Variants in PDE10A observed in about 807,000 individuals in gnomAD.
The protein encoded by PDE10A is phosphodiesterase 10A.
A neutral mutation model predicts 97.7 loss-of-function variants in PDE10A; 39 were observed. The ratio of observed to expected loss-of-function variants is 0.40; its 90% CI spans 0.31 to 0.52. The LOEUF (loss-of-function observed/expected upper bound fraction) is 0.52. Among genes scored for constraint, PDE10A ranks in the 20% least tolerant of loss-of-function variants. PDE10A has a pLI of 0.56. For missense variants in PDE10A, 731 were observed against 1,047.8 expected, an observed-to-expected ratio of 0.70 and a Z score of 4.17; for synonymous variants, 371 against 376.8, an observed-to-expected ratio of 0.98 and a Z score of 0.18.
chr6:165,464,950 G>T (rs1003298015), intron 3 of PDE10A, among the ~76,000 whole-genome samples: 1 of 152,150 alleles, frequency 6.6e-6, no homozygotes, highest in Non-Finnish European at 1.5e-5. Flanking sequence ...GAGCTATTAT[G>T]AATAAAGCCT....
At position 165,390,097 on chromosome 6, in the gene PDE10A, AG is replaced by A. The variant is rs778863001; in HGVS notation, c.2455-1645del. On this transcript the variant is annotated intron_variant, in intron 16 of 21. Transcript: ENST00000539869. ...TTTGAAAGACAAATTATACCTGAAA[AG>A]GGGGAACAGACTGCATGGTCTAAGT... Among the ~76,000 whole-genome samples the A allele has an allele frequency of 5.9e-5, 9 of 152,312 alleles. No individual in the cohort carries two copies. In the South Asian group the frequency reaches 1.4e-3, roughly 25 times the overall value.
At chr6:165,669,304 T>A (rs1790582642) in intron 1 of PDE10A, among the ~76,000 whole-genome samples, 1 of 152,224 alleles carries the variant, frequency 6.6e-6, no homozygotes, top group Admixed American at 6.5e-5. Context: ...AAGGGGCAGT[T>A]CAGACGAGCA....
intron 2 of PDE10A, among the ~76,000 whole-genome samples, chr6:165,534,171 C>T (rs1424541204): frequency 1.3e-5 from 2 of 150,844 alleles, no homozygotes; most frequent in African/African-American, 4.9e-5. Flanking sequence ...AAAGATACAC[C>T]AATAAGTTGG....
At chr6:165,969,507 G>C (rs1220598611) in intron 1 of PDE10A, among the ~76,000 whole-genome samples, 1 of 152,118 alleles carries the variant, frequency 6.6e-6, no homozygotes, top group Non-Finnish European at 1.5e-5. Context: ...AGTTGTACTG[G>C]GTGAAATGAA....
intron 1 of PDE10A, among the ~76,000 whole-genome samples, chr6:165,709,193 C>T (rs1053526660): frequency 2.1e-5 from 3 of 142,878 alleles, no homozygotes; most frequent in African/African-American, 7.9e-5. Flanking sequence ...CACTCTCCTG[C>T]CCCATGCTGC....
intron 1 of PDE10A, among the ~76,000 whole-genome samples, chr6:165,584,894 G>T (rs2128358980): frequency 6.6e-6 from 1 of 152,304 alleles, no homozygotes; most frequent in Non-Finnish European, 1.5e-5. Context: ...TATGGAATGA[G>T]TAATGGAAGA....
At chr6:165,827,372 C>T (rs1011403373) in intron 1 of PDE10A, among the ~76,000 whole-genome samples, 4 of 152,226 alleles carry the variant, frequency 2.6e-5, no homozygotes, top group Non-Finnish European at 5.9e-5. Flanking sequence ...CCGGTGACAG[C>T]GCCAAGCTCC....
chr6:165,630,961 G>A (rs1788601768), intron 1 of PDE10A, among the ~76,000 whole-genome samples: 1 of 152,196 alleles, frequency 6.6e-6, no homozygotes, highest in Admixed American at 6.5e-5. Flanking sequence ...TGGCTTTCCT[G>A]CAAATCAGCC....
At chr6:165,972,400 C>A (rs11969008) in intron 1 of PDE10A, among the ~76,000 whole-genome samples, 10,728 of 152,120 alleles carry the variant, frequency 0.071, 471 homozygotes, top group South Asian at 0.12. Context: ...TCCTCTCACC[C>A]TACCCTGCCA....
chr6:165,567,995 T>C lies in PDE10A; in HGVS notation c.866-24427A>G, dbSNP rs1243988908. On this transcript the variant is annotated intron_variant, in intron 1 of 21. Coordinates refer to ENST00000539869, the MANE Select transcript of PDE10A (RefSeq NM_001385079.1). The stretch of plus-strand genomic sequence containing the variant: ...CACACAATAGGTACGCAACAAGGCA[T>C]TTTTTTTTTTTTTTTTTTTTTGAGA... Among the ~76,000 whole-genome samples, 41 of 105,860 alleles carry C rather than the reference T, an allele frequency of 3.9e-4. 1 individual carries two copies. Among genetic ancestry groups the C allele is most frequent in the South Asian group, 5.9e-4 (2 of 3,396 alleles). The allele number at this position is 105,860 out of a possible 152,430, so 69.4% of individuals were successfully genotyped here.
intron 1 of PDE10A, among the ~76,000 whole-genome samples, chr6:165,810,978 CACTTT>C (rs1324568428): frequency 6.6e-6 from 1 of 152,176 alleles, no homozygotes; most frequent in Non-Finnish European, 1.5e-5. Flanking sequence ...GTAATCCCAG[CACTTT>C]GGGAGGCCCA....
At position 165,655,865 on chromosome 6, in the gene PDE10A, C is replaced by G. The variant is rs994213293; in HGVS notation, c.865+6082G>C. On this transcript the variant is annotated intron_variant, in intron 1 of 21. Coordinates refer to ENST00000539869, the MANE Select transcript of PDE10A (RefSeq NM_001385079.1). This position sits in a 1 kb window ranked among gnomAD's most constrained non-coding sequence, Gnocchi z 4.5. ...GGGCTCAGCTCCAGCACGGCCGTCA[C>G]CCCGCTCCTCTGCCTTGTGAGCCCC... is the stretch of plus-strand genomic sequence containing the variant. Among the ~76,000 whole-genome samples the G allele has an allele frequency of 2.0e-5, 3 of 152,122 alleles. No individual in the cohort carries two copies. The highest frequency in any genetic ancestry group is 2.0e-4 in the Admixed American group (3 of 15,282).
intron 1 of PDE10A, among the ~76,000 whole-genome samples, chr6:165,575,217 C>T (rs963650833): frequency 6.6e-6 from 1 of 152,124 alleles, no homozygotes; most frequent in African/African-American, 2.4e-5. Context: ...CCCAATCATT[C>T]GAGTTTTGTG....
Position 165,418,495 on chromosome 6 carries a change from C to A in PDE10A, c.1796+140G>T. ...ATGTCATTCCCAGAAGTACTACCTT[C>A]AGGAGGCGGGTCCTGGTGGGAATGA... is the stretch of plus-strand genomic sequence containing the variant. On this transcript the variant is annotated intron_variant, in intron 11 of 21. Transcript: ENST00000539869. The surrounding 1 kb of genome is among the most constrained non-coding windows in gnomAD (Gnocchi z 4.8). The A allele has an allele frequency of 1.4e-6, 1 of 733,770 alleles. No individual in the cohort carries two copies. The highest frequency in any genetic ancestry group is 2.2e-6 in the Non-Finnish European group (1 of 456,952). The allele number at this position is 733,770 out of a possible 1,614,324, so 45.5% of individuals were successfully genotyped here.
chr6:165,463,656 G>C (rs989248706), intron 3 of PDE10A, among the ~76,000 whole-genome samples: 4 of 150,386 alleles, frequency 2.7e-5, no homozygotes, highest in African/African-American at 1.0e-4. Context: ...ATCAAAGAAG[G>C]GGGACATGTT....
intron 1 of PDE10A, among the ~76,000 whole-genome samples, chr6:165,816,110 T>C (rs1312833292): frequency 6.6e-6 from 1 of 152,022 alleles, no homozygotes; most frequent in East Asian, 1.9e-4. Context: ...CCACCACTCC[T>C]GGCTAATTTT....
intron 2 of PDE10A, among the ~76,000 whole-genome samples, chr6:165,529,217 C>G (rs1006225064): frequency 5.9e-5 from 9 of 152,082 alleles, no homozygotes; most frequent in Non-Finnish European, 1.2e-4. Flanking sequence ...GGTGACTGAC[C>G]CAGACTATCA....
chr6:165,691,106 T>TCTCTC (rs143783728), intron 1 of PDE10A, among the ~76,000 whole-genome samples: 721 of 39,086 alleles, frequency 0.018, 123 homozygotes, highest in East Asian at 0.03. Flanking sequence ...TCTTTCTCTC[T>TCTCTC]CCCCCCCCCC....
At chr6:165,946,433 G>A (rs1401751275) in intron 1 of PDE10A, among the ~76,000 whole-genome samples, 6 of 151,644 alleles carry the variant, frequency 4.0e-5, no homozygotes, top group Non-Finnish European at 8.8e-5. Context: ...GGCGGAGCTT[G>A]CAGTGAGCCG....
Sources: gnomAD v4.1 joint callset for allele counts (sites outside exome capture counted in the v4.1 genomes callset) on GRCh38, gnomAD v4.1.1 for gene constraint, Gnocchi (gnomAD v3.1) non-coding constraint, MANE v1.5 for transcripts, NCBI Gene and HGNC (gene_info 2026-07-23, HGNC 2026-07-21) for gene names.